ATP8B4: variants seen among roughly 807,000 people sequenced by gnomAD.
ATP8B4 encodes ATPase phospholipid transporting 8B4 (putative), also known as probable phospholipid-transporting ATPase IM.
In ATP8B4, 133 loss-of-function variants were observed where a neutral mutation model predicts 145.6. The observed-to-expected ratio is 0.91, with a 90% CI of 0.79 to 1.05. The LOEUF (loss-of-function observed/expected upper bound fraction) is 1.05, where lower values mean the gene tolerates loss of function less well. ATP8B4 is among the 50% of genes least tolerant of loss of function. The pLI is 0.00. For synonymous variants in ATP8B4, 507 were observed against 492.9 expected, an observed-to-expected ratio of 1.03 and a Z score of -0.38; for missense variants, 1,458 against 1,425.2, an observed-to-expected ratio of 1.02 and a Z score of -0.37.
chr15:49,944,170 T>C (rs527654651), intron 14 of ATP8B4, among the ~76,000 whole-genome samples: 5 of 152,112 alleles, frequency 3.3e-5, no homozygotes, highest in Non-Finnish European at 7.4e-5. Flanking sequence ...AGAACTACTA[T>C]ATAACAGAAA....
At chr15:49,989,807 T>C (rs2046910860) in intron 9 of ATP8B4, among the ~76,000 whole-genome samples, 1 of 152,052 alleles carries the variant, frequency 6.6e-6, no homozygotes, top group African/African-American at 2.4e-5. Context: ...TAAGCTCTAT[T>C]AGCATAAAAC....
chr15:50,067,603 C>T (rs150608123), intron 3 of ATP8B4, among the ~76,000 whole-genome samples: 1 of 152,270 alleles, frequency 6.6e-6, no homozygotes, highest in East Asian at 1.9e-4. Context: ...TTCATTCTTA[C>T]CTATTATTAG....
chr15:49,981,740 G>A (rs1027603543), intron 10 of ATP8B4, among the ~76,000 whole-genome samples: 2 of 152,086 alleles, frequency 1.3e-5, no homozygotes, highest in African/African-American at 2.4e-5. Context: ...AAAGATTTGA[G>A]GTCCCTTTGA....
chr15:50,134,467 A>G (rs1168743848), intron 1 of ATP8B4, among the ~76,000 whole-genome samples: 1 of 152,202 alleles, frequency 6.6e-6, no homozygotes, highest in East Asian at 1.9e-4. Flanking sequence ...AGTGAAAGCC[A>G]TTCAAGTAGA....
intron 3 of ATP8B4, among the ~76,000 whole-genome samples, chr15:50,073,383 A>G (rs2053976832): frequency 6.6e-6 from 1 of 151,896 alleles, no homozygotes; most frequent in Non-Finnish European, 1.5e-5. Context: ...ATGGTTTCCA[A>G]CTTCATCCAC....
chr15:49,999,893 T>C (rs2047748024), intron 8 of ATP8B4, among the ~76,000 whole-genome samples: 1 of 152,186 alleles, frequency 6.6e-6, no homozygotes, highest in Non-Finnish European at 1.5e-5. Context: ...ATCTGTTCTC[T>C]ATTTCCATGA....
intron 11 of ATP8B4, 91 bp downstream of exon 11, chr15:49,981,115 G>C (rs1376026246): frequency 2.7e-6 from 3 of 1,098,522 alleles, no homozygotes; most frequent in Non-Finnish European, 4.0e-6. Context: ...TCCACAAGGA[G>C]AATGTAGGCT....
chr15:49,985,326 G>A (rs1219077802), intron 10 of ATP8B4, among the ~76,000 whole-genome samples: 2 of 152,086 alleles, frequency 1.3e-5, no homozygotes, highest in Non-Finnish European at 2.9e-5. Flanking sequence ...TCAATCTCCT[G>A]ACCTCGTGAT....
intron 14 of ATP8B4, among the ~76,000 whole-genome samples, chr15:49,957,262 T>G (rs997950652): frequency 3.9e-5 from 6 of 152,034 alleles, no homozygotes; most frequent in Non-Finnish European, 7.4e-5. Context: ...CAATGCTGCC[T>G]TAAGAAAAAA....
intron 2 of ATP8B4, among the ~76,000 whole-genome samples, chr15:50,103,947 T>C (rs2056522922): frequency 6.6e-6 from 1 of 152,138 alleles, no homozygotes; most frequent in African/African-American, 2.4e-5. Flanking sequence ...AGTCACCTGA[T>C]CTTCGACAAA....
chr15:50,175,322 G>A (rs529614895), intron 1 of ATP8B4, among the ~76,000 whole-genome samples: 3 of 152,310 alleles, frequency 2.0e-5, no homozygotes, highest in East Asian at 1.9e-4. Context: ...AAGAGCTTTT[G>A]CAAAGCAAAA....
At chr15:50,007,744 C>T (rs1234203146) in intron 7 of ATP8B4, among the ~76,000 whole-genome samples, 3 of 152,076 alleles carry the variant, frequency 2.0e-5, no homozygotes, top group African/African-American at 7.2e-5. Flanking sequence ...GAAGCCCCTG[C>T]CAGCTGATAC....
At chr15:50,049,079 T>A in intron 3 of ATP8B4, among the ~76,000 whole-genome samples, 1 of 152,238 alleles carries the variant, frequency 6.6e-6, no homozygotes, top group South Asian at 2.1e-4. Flanking sequence ...CCTTTGGAAC[T>A]GTTTTCGCAC....
rs986538004 is a variant in ATP8B4 at position 50,044,579 on chromosome 15, A to C, written c.300+15T>G. ...GAAATTGAGACCTCAAGAATGCTCA[A>C]GAGCAAATACTCACATAGTCATCTG... On this transcript the variant is annotated intron_variant, in intron 5 of 27. Transcript: ENST00000284509. 3 of 1,568,094 alleles carry C rather than the reference A, an allele frequency of 1.9e-6. No individual in the cohort carries two copies. The highest frequency in any genetic ancestry group is 2.6e-6 in the Non-Finnish European group (3 of 1,142,538).
At chr15:50,087,404 TTATTA>T (rs2055287106) in intron 2 of ATP8B4, among the ~76,000 whole-genome samples, 1 of 145,550 alleles carries the variant, frequency 6.9e-6, no homozygotes, top group African/African-American at 2.5e-5. Context: ...TATCATATAT[TTATTA>T]TATATTACAT....
At position 49,877,941 on chromosome 15, in the gene ATP8B4, T is replaced by C. The variant is rs370593500; in HGVS notation, c.2782-1418A>G. ...GTGTCACTTATTGGCTGTGTGGCTTTAGGGAAATGACTCTCCAAGGCTTGG... is the reference window on the plus strand; with the variant it reads ...GTGTCACTTATTGGCTGTGTGGCTTCAGGGAAATGACTCTCCAAGGCTTGG... On this transcript the variant is annotated intron_variant, in intron 24 of 27. Coordinates refer to ENST00000284509, the MANE Select transcript of ATP8B4 (RefSeq NM_024837.4). Among the ~76,000 whole-genome samples the C allele has an allele frequency of 1.2e-4, 18 of 152,302 alleles. No homozygotes were observed. The East Asian group carries it at 2.7e-3, about 23-fold the overall frequency.
rs74575074 is a variant in ATP8B4 at position 49,935,982 on chromosome 15, C to T, written c.1288-1800G>A. Among the ~76,000 whole-genome samples the T allele has an allele frequency of 2.8e-3, 425 of 152,280 alleles. 2 individuals carry two copies. The highest frequency in any genetic ancestry group is 9.8e-3 in the African/African-American group (409 of 41,562). ...CCTCATCTCCTCTTCACTTCTCCCT[C>T]CAACCTATTTATTTTTTTTTCTATT... On this transcript the variant is annotated intron_variant, in intron 14 of 27. Coordinates refer to ENST00000284509, the MANE Select transcript of ATP8B4 (RefSeq NM_024837.4).
chr15:50,066,685 T>C (rs1298773527), intron 3 of ATP8B4, among the ~76,000 whole-genome samples: 6 of 152,186 alleles, frequency 3.9e-5, no homozygotes, highest in Non-Finnish European at 8.8e-5. Flanking sequence ...TTAAAAATGG[T>C]TGACCAAATT....
At chr15:50,134,663 T>A (rs1316651843) in intron 1 of ATP8B4, among the ~76,000 whole-genome samples, 1 of 152,206 alleles carries the variant, frequency 6.6e-6, no homozygotes, top group Non-Finnish European at 1.5e-5. Context: ...AATAATAGCC[T>A]AAGGCAGTGT....
Sources: allele counts gnomAD v4.1 joint callset (sites outside exome capture counted in the v4.1 genomes callset), GRCh38; gene constraint gnomAD v4.1.1; transcripts MANE v1.5; gene names NCBI Gene and HGNC (gene_info 2026-07-23, HGNC 2026-07-21).